Variants in PDE8A observed in about 807,000 individuals in gnomAD.
PDE8A encodes high affinity cAMP-specific and IBMX-insensitive 3',5'-cyclic phosphodiesterase 8A.
A neutral mutation model predicts 105.0 loss-of-function variants in PDE8A; 59 were observed. That is an observed-to-expected ratio of 0.56 (90% CI 0.46 to 0.70). PDE8A has a LOEUF of 0.70. PDE8A is among the 30% of genes least tolerant of loss of function. The pLI is 0.00. For missense variants in PDE8A, 1,014 were observed against 1,045.9 expected, an observed-to-expected ratio of 0.97 and a Z score of 0.42; for synonymous variants, 355 against 371.9, an observed-to-expected ratio of 0.95 and a Z score of 0.52.
intron 1 of PDE8A, among the ~76,000 whole-genome samples, chr15:85,056,180 T>G (rs1446721029): frequency 6.6e-6 from 1 of 152,250 alleles, no homozygotes; most frequent in Non-Finnish European, 1.5e-5. Flanking sequence ...AGATATCAGC[T>G]GTTAGTCTGA....
intron 20 of PDE8A, among the ~76,000 whole-genome samples, chr15:85,127,321 C>T (rs2082272354): frequency 6.6e-6 from 1 of 152,148 alleles, no homozygotes; most frequent in South Asian, 2.1e-4. Flanking sequence ...TGGTGTTCCT[C>T]ATCATTGCAA....
chr15:85,011,335 G>T (rs946999205), intron 1 of PDE8A, among the ~76,000 whole-genome samples: 2 of 152,110 alleles, frequency 1.3e-5, no homozygotes, highest in Non-Finnish European at 2.9e-5. Context: ...AATGTTGTTA[G>T]AAGACAGGTT....
intron 1 of PDE8A, among the ~76,000 whole-genome samples, chr15:85,032,962 T>G (rs1303727978): frequency 6.6e-6 from 1 of 152,168 alleles, no homozygotes; most frequent in African/African-American, 2.4e-5. Flanking sequence ...AAGTGCAACT[T>G]AAGATTTGAA....
chr15:85,016,401 G>A (rs573689372), intron 1 of PDE8A, among the ~76,000 whole-genome samples: 1 of 152,024 alleles, frequency 6.6e-6, no homozygotes, highest in African/African-American at 2.4e-5. Flanking sequence ...TTTCCATATG[G>A]CTATGGAATT....
chr15:85,051,496 G>A (rs951341168), intron 1 of PDE8A, among the ~76,000 whole-genome samples: 2 of 151,994 alleles, frequency 1.3e-5, no homozygotes, highest in Non-Finnish European at 2.9e-5. Flanking sequence ...AAGTCCCGGG[G>A]TACTTAGGGA....
At chr15:85,008,260 G>A (rs1176165273) in intron 1 of PDE8A, among the ~76,000 whole-genome samples, 1 of 152,080 alleles carries the variant, frequency 6.6e-6, no homozygotes, top group Non-Finnish European at 1.5e-5. Context: ...CTCAGGGAGG[G>A]ATCAGAAGCC....
chr15:84,982,066 A>T lies in PDE8A; in HGVS notation c.-97A>T. 1 of 716,664 alleles carries T rather than the reference A, an allele frequency of 1.4e-6. No homozygotes were observed. Among genetic ancestry groups the T allele is most frequent in the African/African-American group, 1.9e-5 (1 of 53,152 alleles). 44.4% of individuals were successfully genotyped at this position (716,664 alleles called of 1,614,324 possible). On this transcript the variant is annotated 5_prime_UTR_variant, in exon 1 of 22. An upstream start codon of the reference 5' UTR is lost. Transcript: ENST00000394553. ...CTCGCCGCCGCCCGCCCAGGCGGCG[A>T]TGACACGGCGCCCGCGGCGGCCCGG...
At chr15:85,058,215 C>T (rs771140989) in intron 1 of PDE8A, among the ~76,000 whole-genome samples, 3 of 152,102 alleles carry the variant, frequency 2.0e-5, no homozygotes, top group Admixed American at 1.3e-4. Context: ...TGAGTAGCTA[C>T]GATTATAGGT....
At position 85,119,471 on chromosome 15, in the gene PDE8A, A is replaced by AAAAAAAAAAAAAAAAAAACAAAC. The variant is rs1421406717; in HGVS notation, c.1735-1316_1735-1315insAAAAAAAACAAACAAAAAAAAAA. 8.0e-5 allele frequency among the ~76,000 whole-genome samples: 12 copies of AAAAAAAAAAAAAAAAAAACAAAC among 149,362 alleles called. 1 individual carries two copies. The highest frequency in any genetic ancestry group is 2.5e-4 in the African/African-American group (10 of 40,286). ...TGACAGAGCAAGACTCTCGTCTCAA[A>AAAAAAAAAAAAAAAAAAACAAAC]AAAAAAAAAACATTTATTGAAATGT... On this transcript the variant is annotated intron_variant, in intron 17 of 21. Coordinates refer to ENST00000394553, the MANE Select transcript of PDE8A (RefSeq NM_002605.3).
intron 11 of PDE8A, among the ~76,000 whole-genome samples, chr15:85,104,881 G>C (rs1020343858): frequency 6.6e-6 from 1 of 152,146 alleles, no homozygotes; most frequent in East Asian, 1.9e-4. Flanking sequence ...GGGGAGCACT[G>C]AGGAGCAGGA....
At chr15:85,103,825 C>T (rs1297096436) in intron 11 of PDE8A, among the ~76,000 whole-genome samples, 1 of 152,152 alleles carries the variant, frequency 6.6e-6, no homozygotes, top group Non-Finnish European at 1.5e-5. Context: ...GGTAGCATAG[C>T]TTCTTCACAC....
chr15:85,107,577 CT>C (rs1173297539), intron 11 of PDE8A, among the ~76,000 whole-genome samples: 2 of 152,096 alleles, frequency 1.3e-5, no homozygotes, highest in Non-Finnish European at 2.9e-5. Context: ...TTAGATTTGG[CT>C]GACCCAGTGG....
At chr15:85,120,588 G>C (rs2082165766) in intron 17 of PDE8A, 1 of 503,918 alleles carries the variant, frequency 2.0e-6, no homozygotes, top group African/African-American at 1.9e-5. Context: ...ATTTTGGTAA[G>C]TCCTTAACTT....
intron 1 of PDE8A, among the ~76,000 whole-genome samples, chr15:85,016,841 T>G (rs1382797173): frequency 6.6e-6 from 1 of 152,228 alleles, no homozygotes; most frequent in East Asian, 1.9e-4. Flanking sequence ...GGGAGTGTTT[T>G]TATGACTCTC....
rs1353220697 is a variant in PDE8A, at chr15:85,138,731, C to T, written c.*828C>T. The T allele has an allele frequency of 2.6e-5, 4 of 152,214 alleles. No individual in the cohort carries two copies. Among genetic ancestry groups the T allele is most frequent in the Non-Finnish European group, 5.9e-5 (4 of 68,040 alleles). The allele number at this position is 152,214 out of a possible 1,614,324, so 9.4% of individuals were successfully genotyped here. ...TATAGAACCCAGGGCTCTGAAACAG[C>T]TCTAGCCGCCTAATGCACTTCACAG... On this transcript the variant is annotated 3_prime_UTR_variant, in exon 22 of 22. Transcript: ENST00000394553.
intron 11 of PDE8A, among the ~76,000 whole-genome samples, chr15:85,102,319 A>G (rs1311635506): frequency 1.3e-5 from 2 of 152,136 alleles, no homozygotes; most frequent in Non-Finnish European, 1.5e-5. Flanking sequence ...GGAGGGGGAT[A>G]TGGAGCCAGA....
chr15:85,062,102 T>A (rs2081155296), intron 1 of PDE8A, among the ~76,000 whole-genome samples: 1 of 152,206 alleles, frequency 6.6e-6, no homozygotes, highest in Non-Finnish European at 1.5e-5. Flanking sequence ...CTTTCAGGGA[T>A]GGTTGCTGTT....
intron 11 of PDE8A, 68 bp from the exon 12 acceptor site, chr15:85,108,985 A>G (rs975552965): frequency 1.2e-5 from 13 of 1,114,336 alleles, no homozygotes; most frequent in Non-Finnish European, 1.7e-5. Context: ...AAAATTTTAG[A>G]TTGGTAACCT....
At chr15:85,039,117 A>G (rs1224683196) in intron 1 of PDE8A, among the ~76,000 whole-genome samples, 2 of 100,508 alleles carry the variant, frequency 2.0e-5, no homozygotes, top group Non-Finnish European at 4.1e-5. Context: ...GCGAAACTCC[A>G]TCTCAAGAAA....
Sources: allele counts gnomAD v4.1 joint callset (sites outside exome capture counted in the v4.1 genomes callset), GRCh38; gene constraint gnomAD v4.1.1; transcripts MANE v1.5; gene names NCBI Gene and HGNC (gene_info 2026-07-23, HGNC 2026-07-21).